The following COA1 variants were observed in gnomAD, a reference collection of about 807,000 sequenced individuals.
COA1 encodes the protein cytochrome c oxidase assembly factor 1, also known as cytochrome c oxidase assembly factor 1 homolog.
Under a neutral mutation model 16.0 loss-of-function variants are expected in COA1, and 13 were observed. The observed-to-expected ratio is 0.81, with a 90% CI of 0.53 to 1.29. The LOEUF (loss-of-function observed/expected upper bound fraction) is 1.29. COA1 is among the 50% of genes most tolerant of loss of function. COA1 has a pLI of 0.00. For synonymous variants in COA1, 65 were observed against 65.7 expected (o/e 0.99, Z 0.05); for missense variants, 179 against 177.0 (o/e 1.01, Z -0.06).
At chr7:43,619,392 G>A (rs2083641331) in intron 6 of COA1, among the ~76,000 whole-genome samples, 1 of 152,146 alleles carries the variant, frequency 6.6e-6, no homozygotes, top group Non-Finnish European at 1.5e-5. Context: ...GCCAGAGTAG[G>A]GGAAGAGATT....
chr7:43,637,286 G>A (rs1210358942), downstream of COA1, among the ~76,000 whole-genome samples: 2 of 152,068 alleles, frequency 1.3e-5, no homozygotes, highest in Admixed American at 6.5e-5. Context: ...ACACTAGCTG[G>A]TAAGGAACTT....
chr7:43,668,627 T>C (rs1366809227), intron 1 of COA1, among the ~76,000 whole-genome samples: 1 of 152,202 alleles, frequency 6.6e-6, no homozygotes, highest in African/African-American at 2.4e-5. Flanking sequence ...GTGAATCAAG[T>C]GGCGATCTCC....
chr7:43,619,066 T>TA (rs2083608323), intron 6 of COA1, among the ~76,000 whole-genome samples: 1 of 152,150 alleles, frequency 6.6e-6, no homozygotes, highest in African/African-American at 2.4e-5. Context: ...ATTTCAACAA[T>TA]ACAAGGATGC....
At chr7:43,703,327 A>C (rs2094827926) in intron 1 of COA1, among the ~76,000 whole-genome samples, 1 of 152,156 alleles carries the variant, frequency 6.6e-6, no homozygotes, top group Non-Finnish European at 1.5e-5. Context: ...TGGGTGAAGT[A>C]TTCTGTAGAT....
At chr7:43,626,866 T>G (rs2084605796) in intron 6 of COA1, 1 of 152,250 alleles carries the variant, frequency 6.6e-6, no homozygotes, top group Non-Finnish European at 1.5e-5. Flanking sequence ...GCTGTTGTGC[T>G]TAAATACTGA....
chr7:43,620,859 G>A (rs2083814310), intron 6 of COA1, among the ~76,000 whole-genome samples: 1 of 152,154 alleles, frequency 6.6e-6, no homozygotes, highest in Non-Finnish European at 1.5e-5. Context: ...AGCAGACCTG[G>A]GAGAAGAGGA....
At chr7:43,707,856 T>C (rs1235604999) in intron 1 of COA1, among the ~76,000 whole-genome samples, 2 of 152,232 alleles carry the variant, frequency 1.3e-5, no homozygotes, top group Non-Finnish European at 2.9e-5. Context: ...AACGCACACA[T>C]GCCCACCATT....
chr7:43,621,377 G>C (rs936569993), intron 6 of COA1, among the ~76,000 whole-genome samples: 1 of 152,208 alleles, frequency 6.6e-6, no homozygotes, highest in Non-Finnish European at 1.5e-5. Context: ...GGGTACCATT[G>C]TAAGCTCAAA....
At chr7:43,724,412 C>T (rs903093149) in intron 1 of COA1, among the ~76,000 whole-genome samples, 1 of 151,980 alleles carries the variant, frequency 6.6e-6, no homozygotes, top group Non-Finnish European at 1.5e-5. Context: ...AATTAGCCTG[C>T]GTGGTGGTGC....
intron 6 of COA1, among the ~76,000 whole-genome samples, chr7:43,628,750 C>T (rs1295827585): frequency 6.6e-6 from 1 of 152,108 alleles, no homozygotes; most frequent in Non-Finnish European, 1.5e-5. Flanking sequence ...GATAGGACTC[C>T]TTTGTGCATT....
At chr7:43,728,017 C>T (rs2095653251) in intron 1 of COA1, among the ~76,000 whole-genome samples, 5 of 151,294 alleles carry the variant, frequency 3.3e-5, no homozygotes, top group African/African-American at 9.7e-5. Flanking sequence ...CTCTCTCGCC[C>T]AGGCTGGAGT....
At chr7:43,656,923 G>A (rs938942763) in intron 1 of COA1, among the ~76,000 whole-genome samples, 7 of 152,242 alleles carry the variant, frequency 4.6e-5, no homozygotes, top group South Asian at 2.1e-4. Flanking sequence ...GGCCGGTTGC[G>A]GTGGCTCACG....
chr7:43,629,483 A>C (rs2153036446), intron 6 of COA1, among the ~76,000 whole-genome samples: 1 of 152,254 alleles, frequency 6.6e-6, no homozygotes, highest in Admixed American at 6.5e-5. Flanking sequence ...TATATCCTTT[A>C]ACTGTATCCC....
At chr7:43,723,019 A>G (rs1378980815) in intron 1 of COA1, among the ~76,000 whole-genome samples, 1 of 152,206 alleles carries the variant, frequency 6.6e-6, no homozygotes, top group East Asian at 1.9e-4. Flanking sequence ...CTGATAATAT[A>G]CTTGCTGTTA....
intron 1 of COA1, among the ~76,000 whole-genome samples, chr7:43,679,345 C>T (rs1276760280): frequency 6.7e-6 from 1 of 150,246 alleles, no homozygotes; most frequent in Non-Finnish European, 1.5e-5. Flanking sequence ...AATGAAAACT[C>T]AGCATGAAAA....
At position 43,709,434 on chromosome 7, in the gene COA1, TTGTGTGTGTG is replaced by T. The variant is rs59823123; in HGVS notation, c.-39+19985_-39+19994del. On this transcript the variant is annotated intron_variant, in intron 1 of 5. Transcript: ENST00000223336. ...ACAGGTCTTGATTCACTTTGTTTTA[TTGTGTGTGTG>T]TGTGTGTGTGTGTGTGTGTGTGTGT... 1.9e-4 allele frequency among the ~76,000 whole-genome samples: 28 copies of T among 144,990 alleles called. 1 individual carries two copies. The highest frequency in any genetic ancestry group is 6.1e-4 in the East Asian group (3 of 4,900).
rs527279788 is a variant in COA1 at position 43,711,974 on chromosome 7, T to C, written c.-39+17455A>G. 4.6e-5 allele frequency among the ~76,000 whole-genome samples: 7 copies of C among 152,286 alleles called. No homozygotes were observed. The South Asian group carries it at 1.2e-3, about 27-fold the overall frequency. The stretch of plus-strand genomic sequence containing the variant: ...AACTCCCAAGTGTCCACTACCCCTA[T>C]TAAAACACGGACTTTTACCAAGACA... On this transcript the variant is annotated intron_variant, in intron 1 of 5. Transcript: ENST00000223336.
intron 6 of COA1, among the ~76,000 whole-genome samples, chr7:43,627,796 C>T (rs950478084): frequency 6.6e-5 from 10 of 152,176 alleles, no homozygotes; most frequent in Non-Finnish European, 1.3e-4. Flanking sequence ...ACAGTCTCAT[C>T]AGGCTTGACA....
At chr7:43,663,726 C>G (rs2092664771) in intron 1 of COA1, among the ~76,000 whole-genome samples, 1 of 148,510 alleles carries the variant, frequency 6.7e-6, no homozygotes, top group South Asian at 2.2e-4. Flanking sequence ...CACTGACCAT[C>G]AACTCTCCAT....
Sources: gnomAD v4.1 joint callset for allele counts (sites outside exome capture counted in the v4.1 genomes callset) on GRCh38, gnomAD v4.1.1 for gene constraint, MANE v1.5 for transcripts, NCBI Gene and HGNC (gene_info 2026-07-23, HGNC 2026-07-21) for gene names.